The following CAMK4 variants were observed in gnomAD, a reference collection of about 807,000 sequenced individuals.
CAMK4 encodes the protein calcium/calmodulin dependent protein kinase IV, also known as calcium/calmodulin-dependent protein kinase type IV.
A neutral mutation model predicts 44.9 loss-of-function variants in CAMK4; 22 were observed. The observed-to-expected ratio is 0.49, with a 90% confidence interval of 0.35 to 0.70. The LOEUF (loss-of-function observed/expected upper bound fraction) is 0.70. CAMK4 is among the 30% of genes least tolerant of loss of function. CAMK4 has a pLI of 0.01. For synonymous variants in CAMK4, 218 were observed against 215.4 expected (o/e 1.01, Z -0.11); for missense variants, 498 against 586.8 (o/e 0.85, Z 1.56).
intron 1 of CAMK4, among the ~76,000 whole-genome samples, chr5:111,295,002 C>T (rs1033172749): frequency 2.6e-5 from 4 of 152,106 alleles, no homozygotes; most frequent in African/African-American, 4.8e-5. Context: ...CATAAAACAT[C>T]GAGAGGCAAA....
chr5:111,409,983 A>C (rs770601109), intron 5 of CAMK4, among the ~76,000 whole-genome samples: 4 of 152,116 alleles, frequency 2.6e-5, no homozygotes, highest in Non-Finnish European at 4.4e-5. Context: ...TGAGCCCTCC[A>C]AGTCCCTAGG....
intron 1 of CAMK4, among the ~76,000 whole-genome samples, chr5:111,293,057 A>G (rs986323569): frequency 3.3e-5 from 5 of 152,248 alleles, no homozygotes; most frequent in Admixed American, 1.3e-4. Context: ...GGAAGCATTG[A>G]CAGAGAAAGG....
intron 8 of CAMK4, among the ~76,000 whole-genome samples, chr5:111,477,098 G>A (rs1057352772): frequency 1.3e-5 from 2 of 152,158 alleles, no homozygotes; most frequent in South Asian, 2.1e-4. Context: ...AGACTCTCTC[G>A]TTGTCAGGGT....
intron 7 of CAMK4, among the ~76,000 whole-genome samples, chr5:111,456,275 G>A (rs1411198364): frequency 6.6e-6 from 1 of 152,082 alleles, no homozygotes; most frequent in African/African-American, 2.4e-5. Flanking sequence ...GCCGAGGCGG[G>A]TGGATCATGA....
At chr5:111,455,494 G>A (rs929636727) in intron 7 of CAMK4, among the ~76,000 whole-genome samples, 1 of 152,160 alleles carries the variant, frequency 6.6e-6, no homozygotes, top group African/African-American at 2.4e-5. Flanking sequence ...AGAATGACAG[G>A]TAAAAGAGAG....
In CAMK4 at chr5:111,471,957, C is replaced by T. The variant is rs376652504; in HGVS notation, c.626-1354C>T. Among the ~76,000 whole-genome samples the T allele has an allele frequency of 4.0e-5, 6 of 151,782 alleles. No individual in the cohort carries two copies. In the East Asian group the frequency reaches 5.8e-4, roughly 15 times the overall value. ...TTCTGTTGCCCAGGTTGGAGTGCAGCGGCGCCATCTCTGCAACCTCCACCT... is the reference window on the plus strand; with the variant it reads ...TTCTGTTGCCCAGGTTGGAGTGCAGTGGCGCCATCTCTGCAACCTCCACCT... On this transcript the variant is annotated intron_variant, in intron 7 of 10. Coordinates refer to ENST00000282356, the MANE Select transcript of CAMK4 (RefSeq NM_001744.6).
At position 111,482,562 on chromosome 5, in the gene CAMK4, G is replaced by A; in HGVS notation, c.829-223G>A. On this transcript the variant is annotated intron_variant, in intron 9 of 10. Transcript: ENST00000282356. This position sits in a 1 kb window ranked among gnomAD's most constrained non-coding sequence, Gnocchi z 4.9. Reference sequence around the variant, plus strand: ...TTGGAAAGCCGTCTGCCACTTTGGGGGTCTCAGGTGGTACATGGCCCTGTC... The same window carrying A: ...TTGGAAAGCCGTCTGCCACTTTGGGAGTCTCAGGTGGTACATGGCCCTGTC... 1 of 344,760 alleles carries A rather than the reference G, an allele frequency of 2.9e-6. No homozygotes were observed. 21.4% of individuals were successfully genotyped at this position (344,760 alleles called of 1,614,324 possible).
In CAMK4 at chr5:111,401,072, G is replaced by C. The variant is rs562950908; in HGVS notation, c.459+6290G>C. ...CTCTTTTGTATGTCTTAATTTCAAA[G>C]TGTGACTTTGGAGCCTAGAGAAATT... On this transcript the variant is annotated intron_variant, in intron 5 of 10. Transcript: ENST00000282356. Among the ~76,000 whole-genome samples the C allele has an allele frequency of 2.6e-5, 4 of 152,214 alleles. No individual in the cohort carries two copies. In the South Asian group the frequency reaches 8.3e-4, roughly 32 times the overall value.
intron 8 of CAMK4, among the ~76,000 whole-genome samples, chr5:111,475,701 G>A (rs1755211577): frequency 1.3e-5 from 2 of 152,218 alleles, no homozygotes; most frequent in Non-Finnish European, 2.9e-5. Flanking sequence ...GCTAACTTCT[G>A]TCAGGCCCTA....
chr5:111,425,657 T>C (rs1325914789), intron 5 of CAMK4, among the ~76,000 whole-genome samples: 1 of 152,216 alleles, frequency 6.6e-6, no homozygotes, highest in African/African-American at 2.4e-5. Context: ...GTATAACCAA[T>C]ATTGTATTAA....
chr5:111,472,238 G>A (rs1215837318), intron 7 of CAMK4, among the ~76,000 whole-genome samples: 1 of 152,096 alleles, frequency 6.6e-6, no homozygotes, highest in Non-Finnish European at 1.5e-5. Context: ...GACATTTCCA[G>A]CCAGCATGGA....
intron 2 of CAMK4, among the ~76,000 whole-genome samples, chr5:111,354,043 A>G (rs901477555): frequency 6.6e-6 from 1 of 152,116 alleles, no homozygotes; most frequent in Non-Finnish European, 1.5e-5. Flanking sequence ...AACAGCTAAG[A>G]TGAGGAAACA....
intron 2 of CAMK4, among the ~76,000 whole-genome samples, chr5:111,362,501 A>G (rs963262684): frequency 2.6e-5 from 4 of 152,066 alleles, no homozygotes; most frequent in Non-Finnish European, 5.9e-5. Flanking sequence ...GTATACATAC[A>G]TATCTGAAAA....
At chr5:111,237,175 G>T (rs1308940018) in intron 1 of CAMK4, among the ~76,000 whole-genome samples, 2 of 152,100 alleles carry the variant, frequency 1.3e-5, no homozygotes, top group Non-Finnish European at 1.5e-5. Context: ...TAATATATCA[G>T]TTGCACCCAT....
chr5:111,269,470 C>A (rs918136698), intron 1 of CAMK4, among the ~76,000 whole-genome samples: 4 of 152,132 alleles, frequency 2.6e-5, no homozygotes, highest in Admixed American at 6.5e-5. Context: ...ATAACCAGTC[C>A]ACATCATCTG....
chr5:111,391,613 A>G lies in CAMK4; in HGVS notation c.387-3097A>G, dbSNP rs555038504. 2.7e-4 allele frequency among the ~76,000 whole-genome samples: 41 copies of G among 152,270 alleles called. 1 individual carries two copies. The highest frequency in any genetic ancestry group is 9.9e-4 in the African/African-American group (41 of 41,582). Reference sequence around the variant, plus strand: ...AACAATATAAATCAAAGGTAGAAAAATTCTTACATATCTATAATTGCACAC... The same window carrying G: ...AACAATATAAATCAAAGGTAGAAAAGTTCTTACATATCTATAATTGCACAC... On this transcript the variant is annotated intron_variant, in intron 4 of 10. Coordinates refer to ENST00000282356, the MANE Select transcript of CAMK4 (RefSeq NM_001744.6).
chr5:111,341,955 G>A (rs1749664081), intron 1 of CAMK4, among the ~76,000 whole-genome samples: 1 of 151,398 alleles, frequency 6.6e-6, no homozygotes, highest in Non-Finnish European at 1.5e-5. Context: ...CTACCTATAT[G>A]AAACACATGC....
intron 2 of CAMK4, among the ~76,000 whole-genome samples, chr5:111,355,486 T>TTTTATTTATTTATTTATTTATTTA (rs143763443): frequency 1.5e-3 from 220 of 146,888 alleles, no homozygotes; most frequent in Non-Finnish European, 2.0e-3. Context: ...TCTGCATTCT[T>TTTTATTTATTTATTTATTTATTTA]TTTATTTATT....
intron 4 of CAMK4, among the ~76,000 whole-genome samples, chr5:111,379,008 T>G (rs980834651): frequency 1.3e-5 from 2 of 152,196 alleles, no homozygotes; most frequent in Non-Finnish European, 2.9e-5. Flanking sequence ...GACTTTTTTA[T>G]GGATGTATTC....
Sources: gnomAD v4.1 joint callset for allele counts (sites outside exome capture counted in the v4.1 genomes callset) on GRCh38, gnomAD v4.1.1 for gene constraint, Gnocchi (gnomAD v3.1) non-coding constraint, MANE v1.5 for transcripts, NCBI Gene and HGNC (gene_info 2026-07-23, HGNC 2026-07-21) for gene names.